GNA14: variants seen among roughly 807,000 people sequenced by gnomAD.
GNA14 encodes the protein G protein subunit alpha 14.
Under a neutral mutation model 42.0 loss-of-function variants are expected in GNA14, and 50 were observed. The observed-to-expected ratio is 1.19, with a 90% CI of 0.95 to 1.51. The LOEUF is 1.51. Ranked by LOEUF, GNA14 falls within the 40% of genes most tolerant of loss-of-function variation. The probability of loss-of-function intolerance (pLI) is 0.00; values close to 1 mark genes in which losing one functional copy is unlikely to be tolerated. For synonymous variants in GNA14, 173 were observed against 163.1 expected (o/e 1.06, Z -0.46); for missense variants, 473 against 446.2 (o/e 1.06, Z -0.54).
chr9:77,595,781 G>A (rs1823455418), intron 1 of GNA14, among the ~76,000 whole-genome samples: 1 of 152,012 alleles, frequency 6.6e-6, no homozygotes, highest in Non-Finnish European at 1.5e-5. Flanking sequence ...AATTCAAATT[G>A]CAACCATTGT....
intron 1 of GNA14, among the ~76,000 whole-genome samples, chr9:77,548,446 T>C (rs985973646): frequency 2.6e-5 from 4 of 152,144 alleles, no homozygotes; most frequent in Admixed American, 2.0e-4. Flanking sequence ...TCATCACGAA[T>C]TGGAGTGGGG....
intron 2 of GNA14, among the ~76,000 whole-genome samples, chr9:77,493,449 T>G (rs1177258116): frequency 6.6e-6 from 1 of 152,222 alleles, no homozygotes; most frequent in Non-Finnish European, 1.5e-5. Context: ...GTGATTTGCT[T>G]TTTACATTAC....
chr9:77,568,968 G>A (rs567584307), intron 1 of GNA14, among the ~76,000 whole-genome samples: 4 of 152,262 alleles, frequency 2.6e-5, no homozygotes, highest in East Asian at 1.9e-4. Flanking sequence ...TCTGCTACTC[G>A]ATATTTTCAG....
In GNA14 at chr9:77,424,027, G is replaced by C. The variant is rs773936173; in HGVS notation, c.1020C>G (p.Val340=). The C allele has an allele frequency of 1.2e-6, 2 of 1,610,304 alleles. No individual in the cohort carries two copies. The highest frequency in any genetic ancestry group is 1.7e-6 in the Non-Finnish European group (2 of 1,178,142). ...TDNIRFVFAA[V]KDTILQLNLR... ...GGTTTAGCTGTAGAATTGTGTCTTT[G>C]ACAGCAGCAAACACAAAGCGAATAT... Residue 340 remains valine (V), a synonymous_variant, in exon 7 of 7, where the codon GTC becomes GTG. Coordinates refer to ENST00000341700, the MANE Select transcript of GNA14 (RefSeq NM_004297.4).
At chr9:77,593,361 T>G (rs1823417964) in intron 1 of GNA14, among the ~76,000 whole-genome samples, 1 of 142,838 alleles carries the variant, frequency 7.0e-6, no homozygotes, top group Non-Finnish European at 1.5e-5. Context: ...GGAGTCTCAC[T>G]CTATTGTCCA....
At chr9:77,538,107 G>A (rs184541345) in intron 1 of GNA14, among the ~76,000 whole-genome samples, 3 of 133,200 alleles carry the variant, frequency 2.3e-5, no homozygotes, top group African/African-American at 8.5e-5. Context: ...GTTTCATTCT[G>A]TTGCCCAGCC....
In GNA14 at chr9:77,552,126, C is replaced by CA. The variant is rs34493872; in HGVS notation, c.125-22874dup. ...TTGCAGCAGGAGAGAAACTCCATCT[C>CA]AAAAAAAAAAAAAAAAAAAAGAAAA... On this transcript the variant is annotated intron_variant, in intron 1 of 6. Transcript: ENST00000341700. Among the ~76,000 whole-genome samples the CA allele has an allele frequency of 8.1e-3, 690 of 84,784 alleles. 9 individuals carry two copies. Among genetic ancestry groups the CA allele is most frequent in the Middle Eastern group, 0.027 (4 of 150 alleles). 55.6% of individuals were successfully genotyped at this position (84,784 alleles called of 152,430 possible).
At chr9:77,438,468 A>G (rs1274450397) in intron 2 of GNA14, among the ~76,000 whole-genome samples, 1 of 151,672 alleles carries the variant, frequency 6.6e-6, no homozygotes, top group Non-Finnish European at 1.5e-5. Flanking sequence ...GGGTTTCAAC[A>G]TGTTGGACAG....
At chr9:77,506,135 A>G (rs935917869) in intron 2 of GNA14, among the ~76,000 whole-genome samples, 2 of 151,880 alleles carry the variant, frequency 1.3e-5, no homozygotes, top group African/African-American at 4.8e-5. Context: ...AAATAAAATT[A>G]GCCAGGCATG....
At chr9:77,431,186 A>G (rs1835546113) in intron 4 of GNA14, 135 bp downstream of exon 4, 1 of 768,736 alleles carries the variant, frequency 1.3e-6, no homozygotes, top group East Asian at 2.5e-5. Flanking sequence ...CCACAATTCT[A>G]AATACCCTTG....
intron 2 of GNA14, among the ~76,000 whole-genome samples, chr9:77,459,074 A>G (rs891221793): frequency 2.0e-5 from 3 of 152,112 alleles, no homozygotes; most frequent in African/African-American, 7.2e-5. Context: ...TTGTACACTT[A>G]AAAATGGCTA....
At chr9:77,636,131 A>G (rs1398502955) in intron 1 of GNA14, among the ~76,000 whole-genome samples, 5 of 152,188 alleles carry the variant, frequency 3.3e-5, no homozygotes, top group Non-Finnish European at 2.9e-5. Context: ...TTTGATTTTT[A>G]TTAGTAATAT....
rs570905888 is a variant in GNA14 at position 77,428,229 on chromosome 9, C to T, written c.723+678G>A. On this transcript the variant is annotated intron_variant, in intron 5 of 6. Transcript: ENST00000341700. ...GAATAGCTGGGACTACAGGCGCCCA[C>T]CACCACGCCCGGCTAATTTTTTGTA... Among the ~76,000 whole-genome samples, 445 of 152,072 alleles carry T rather than the reference C, an allele frequency of 2.9e-3. 2 individuals are homozygous for T. The highest frequency in any genetic ancestry group is 0.01 in the Middle Eastern group (3 of 294).
chr9:77,522,137 A>G (rs1052352613), intron 2 of GNA14, among the ~76,000 whole-genome samples: 1 of 152,140 alleles, frequency 6.6e-6, no homozygotes, highest in Non-Finnish European at 1.5e-5. Context: ...TGCTATTTTT[A>G]TTATAAACAA....
intron 1 of GNA14, among the ~76,000 whole-genome samples, chr9:77,624,835 A>G (rs1457778231): frequency 6.6e-6 from 1 of 152,136 alleles, no homozygotes; most frequent in Non-Finnish European, 1.5e-5. Context: ...CAAAAACCAG[A>G]ATGACTCTTC....
intron 1 of GNA14, among the ~76,000 whole-genome samples, chr9:77,623,874 T>G (rs949118075): frequency 6.6e-6 from 1 of 151,498 alleles, no homozygotes; most frequent in Non-Finnish European, 1.5e-5. Context: ...AATGCAGGAG[T>G]TTTTTTCCAT....
intron 2 of GNA14, among the ~76,000 whole-genome samples, chr9:77,496,300 C>T (rs562920012): frequency 1.3e-5 from 2 of 152,186 alleles, no homozygotes; most frequent in Non-Finnish European, 2.9e-5. Flanking sequence ...TTGACTGATT[C>T]ATCTCAAGCC....
chr9:77,570,711 G>A (rs144384359), intron 1 of GNA14, among the ~76,000 whole-genome samples: 17 of 152,240 alleles, frequency 1.1e-4, no homozygotes, highest in African/African-American at 3.9e-4. Flanking sequence ...TCATGTACAA[G>A]TTTTGTGTGG....
At chr9:77,564,948 T>C (rs192704700) in intron 1 of GNA14, among the ~76,000 whole-genome samples, 1 of 152,238 alleles carries the variant, frequency 6.6e-6, no homozygotes, top group East Asian at 1.9e-4. Context: ...TACATACGTA[T>C]TCACAGATAT....
Sources: allele counts gnomAD v4.1 joint callset (sites outside exome capture counted in the v4.1 genomes callset), GRCh38; gene constraint gnomAD v4.1.1; transcripts MANE v1.5; gene names NCBI Gene and HGNC (gene_info 2026-07-23, HGNC 2026-07-21).